Variants in CASP5 observed in about 807,000 individuals in gnomAD.
CASP5 encodes caspase 5, also known as caspase-5.
In CASP5, 42 loss-of-function variants were observed where a neutral mutation model predicts 45.2. The observed-to-expected ratio is 0.93, with a 90% CI of 0.73 to 1.20. The LOEUF is 1.20. Among genes scored for constraint, CASP5 ranks in the 50% most tolerant of loss-of-function variants. The probability of loss-of-function intolerance (pLI) is 0.00; values close to 1 mark genes in which losing one functional copy is unlikely to be tolerated. For missense variants in CASP5, 512 were observed against 532.2 expected, an observed-to-expected ratio of 0.96 and a Z score of 0.37; for synonymous variants, 209 against 186.2, an observed-to-expected ratio of 1.12 and a Z score of -1.00.
At chr11:104,999,353 C>A (rs190341219) in intron 6 of CASP5, among the ~76,000 whole-genome samples, 1 of 152,218 alleles carries the variant, frequency 6.6e-6, no homozygotes, top group Non-Finnish European at 1.5e-5. Context: ...TAGCTTCCAG[C>A]TTCATTCATG....
Position 105,000,458 on chromosome 11 carries a change from G to A in CASP5, c.755C>T (p.Pro252Leu), listed in dbSNP as rs756951779. 5 of 1,614,128 alleles carry A rather than the reference G, an allele frequency of 3.1e-6. No homozygotes were observed. In the Admixed American group the frequency reaches 8.3e-5, roughly 27 times the overall value. Reference sequence around the variant, plus strand: ...CGTGCTGTCAGAGGACTTGTGCTCTGGTCTGGCAGCAAATGCCCTCAGCAC... The same window carrying A: ...CGTGCTGTCAGAGGACTTGTGCTCTAGTCTGGCAGCAAATGCCCTCAGCAC... ...ESVLRAFAARPEHKSSDSTFL... is the reference protein window; with the variant it reads ...ESVLRAFAARLEHKSSDSTFL... The change falls in exon 6 of 10, where the codon CCA becomes CTA. Residue 252 changes from proline to leucine, a missense_variant. By Grantham distance (98) the Pro-to-Leu change is moderately conservative. Transcript: ENST00000260315.
rs1203405058 is a variant in CASP5 at position 105,000,310 on chromosome 11, G to A, written c.903C>T (p.Leu301=). 2 of 1,614,240 alleles carry A rather than the reference G, an allele frequency of 1.2e-6. No homozygotes were observed. The highest frequency in any genetic ancestry group is 1.7e-6 in the Non-Finnish European group (2 of 1,180,032). The part of the protein sequence containing the change: ...IFQIFNNRNC[L]SLKDKPKVII... ...TGACCTTGGGTTTGTCCTTTAGACT[G>A]AGGCAGTTGCGGTTGTTGAATATCT... Residue 301 remains leucine, a synonymous_variant, in exon 6 of 10, where the codon CTC becomes CTT. Transcript: ENST00000260315.
rs1376205553 is a variant in CASP5 at position 105,009,720 on chromosome 11, C to CACACACAT, written c.8-741_8-740insATGTGTGT. On this transcript the variant is annotated intron_variant, in intron 1 of 9. Coordinates refer to ENST00000260315, the MANE Select transcript of CASP5 (RefSeq NM_004347.5). Reference sequence around the variant, plus strand: ...TTACCAGGAGATATATATATACACACATATATATATATATATATATATATA... The same window carrying CACACACAT: ...TTACCAGGAGATATATATATACACACACACACATATATATATATATATATATATATATA... Among the ~76,000 whole-genome samples, 397 of 63,754 alleles carry CACACACAT rather than the reference C, an allele frequency of 6.2e-3. 1 individual carries two copies. The highest frequency in any genetic ancestry group is 0.011 in the Admixed American group (51 of 4,710). 41.8% of individuals were successfully genotyped at this position (63,754 alleles called of 152,430 possible).
chr11:105,019,342 C>T (rs889704940), intron 1 of CASP5, among the ~76,000 whole-genome samples: 2 of 150,062 alleles, frequency 1.3e-5, no homozygotes, highest in Non-Finnish European at 3.0e-5. Context: ...ACAAAAAACC[C>T]TTCAAAAAAT....
chr11:105,009,927 A>T (rs911196990), intron 1 of CASP5, among the ~76,000 whole-genome samples: 1 of 121,268 alleles, frequency 8.2e-6, no homozygotes, highest in African/African-American at 3.4e-5. Context: ...ATATACACAC[A>T]TACACACACA....
chr11:105,004,148 C>T (rs191832379), intron 3 of CASP5, among the ~76,000 whole-genome samples: 62 of 152,122 alleles, frequency 4.1e-4, no homozygotes, highest in African/African-American at 1.4e-3. Flanking sequence ...TGTGAAATCA[C>T]CTATTTATGA....
rs200071188 is a variant in CASP5 at position 105,003,273 on chromosome 11, C to G, written c.543+1G>C. 1.3e-6 allele frequency: 2 copies of G among 1,531,072 alleles called. No homozygotes were observed. Among genetic ancestry groups the G allele is most frequent in the Non-Finnish European group, 1.8e-6 (2 of 1,107,708 alleles). 94.8% of individuals were successfully genotyped at this position (1,531,072 alleles called of 1,614,324 possible). A position where few individuals can be genotyped will look rare whatever the true frequency, so the allele number is the denominator to read the frequency against. On this transcript the variant is annotated splice_donor_variant, in intron 4 of 9. Coordinates refer to ENST00000260315, the MANE Select transcript of CASP5 (RefSeq NM_004347.5). LOFTEE classifies it high-confidence loss of function. ...CCCATTTCATACAGAGAGCACAGCA[C>G]CTCATCATGATTTTTTTTACACAGT...
chr11:105,000,492 T>A lies in CASP5; in HGVS notation c.721A>T (p.Met241Leu). The A allele has an allele frequency of 6.2e-7, 1 of 1,613,852 alleles. No individual in the cohort carries two copies. The highest frequency in any genetic ancestry group is 1.3e-5 in the African/African-American group (1 of 75,032). Residue 241 changes from methionine to leucine, a missense_variant, in exon 6 of 10, where the codon ATG becomes TTG. Met to Leu is a conservative substitution (Grantham distance 15, BLOSUM62 2). Coordinates refer to ENST00000260315, the MANE Select transcript of CASP5 (RefSeq NM_004347.5). ...GCAAATGCCCTCAGCACTGACTCCA[T>A]ATCCTATAAAAGAGCAATGTCTAAC... The part of the protein sequence containing the change: ...VDEKNLTARD[M>L]ESVLRAFAAR...
At chr11:105,009,768 CACGTATAT>C (rs1565388130) in intron 1 of CASP5, among the ~76,000 whole-genome samples, 1,868 of 73,176 alleles carry the variant, frequency 0.026, 78 homozygotes, top group African/African-American at 0.09. Flanking sequence ...TACACACACA[CACGTATAT>C]ATATATATAT....
At chr11:105,017,122 A>C (rs1398037458) in intron 1 of CASP5, among the ~76,000 whole-genome samples, 1 of 151,930 alleles carries the variant, frequency 6.6e-6, no homozygotes, top group Non-Finnish European at 1.5e-5. Context: ...AAAACTAACA[A>C]ACAGAAAGGA....
chr11:105,009,129 C>A, intron 1 of CASP5, 149 bp from the exon 2 acceptor site: 1 of 674,292 alleles, frequency 1.5e-6, no homozygotes. Context: ...TTCTTTGTAC[C>A]TGTAGCATTC....
chr11:105,000,806 A>G (rs535638356), intron 5 of CASP5, among the ~76,000 whole-genome samples: 2 of 152,204 alleles, frequency 1.3e-5, no homozygotes, highest in Non-Finnish European at 2.9e-5. Context: ...CTTTCCTAAC[A>G]AGAGTCATGT....
In CASP5 at chr11:105,002,226, C is replaced by T; in HGVS notation, c.544-25G>A. On this transcript the variant is annotated intron_variant, in intron 4 of 9. Transcript: ENST00000260315. ...TCTGCAGGAGATGGAGATGAAGCAA[C>T]TTTGATTACCCGAGTCTCTTTTCAA... 10 of 1,610,236 alleles carry T rather than the reference C, an allele frequency of 6.2e-6. No homozygotes were observed. The South Asian group carries it at 1.1e-4, about 18-fold the overall frequency.
chr11:105,022,568 G>T (rs1432155305), intron 1 of CASP5, among the ~76,000 whole-genome samples: 1 of 152,078 alleles, frequency 6.6e-6, no homozygotes, highest in East Asian at 1.9e-4. Context: ...TTAAGTTTTT[G>T]GGAGTGGGAA....
At chr11:105,009,872 T>C (rs899503595) in intron 1 of CASP5, among the ~76,000 whole-genome samples, 2 of 140,268 alleles carry the variant, frequency 1.4e-5, no homozygotes, top group African/African-American at 2.7e-5. Context: ...TACATATATA[T>C]ACACACATAT....
Position 105,000,397 on chromosome 11 carries a change from T to A in CASP5, c.816A>T (p.Gly272=), listed in dbSNP as rs769065503. 4.3e-6 allele frequency: 7 copies of A among 1,614,178 alleles called. No individual in the cohort carries two copies. In the East Asian group the frequency reaches 1.3e-4, roughly 31 times the overall value. The part of the protein sequence containing the change: ...LVLMSHGILE[G]ICGTAHKKKK... Reference sequence around the variant, plus strand: ...TCTTTTTATGCGCAGTTCCGCAGATTCCCTCTAGGATGCCATGAGACATGA... The same window carrying A: ...TCTTTTTATGCGCAGTTCCGCAGATACCCTCTAGGATGCCATGAGACATGA... Residue 272 remains glycine, a synonymous_variant, in exon 6 of 10, where the codon GGA becomes GGT. Transcript: ENST00000260315.
intron 6 of CASP5, 107 bp downstream of exon 6, chr11:105,000,154 A>C (rs1591154408): frequency 8.7e-7 from 1 of 1,153,382 alleles, no homozygotes; most frequent in South Asian, 1.3e-5. Flanking sequence ...AATGTACTTT[A>C]TTTGCACTGG....
rs1169064113 is a variant in CASP5 at position 105,019,782 on chromosome 11, G to A, written c.7+3348C>T. On this transcript the variant is annotated intron_variant, in intron 1 of 9. Coordinates refer to ENST00000260315, the MANE Select transcript of CASP5 (RefSeq NM_004347.5). ...AACTATTCCAATCAATAGAAAAAGA[G>A]GGAATCCTCCCTAACTCATTTTATG... is the stretch of plus-strand genomic sequence containing the variant. Among the ~76,000 whole-genome samples, 7 of 144,882 alleles carry A rather than the reference G, an allele frequency of 4.8e-5. No homozygotes were observed. In the South Asian group the frequency reaches 8.8e-4, roughly 18 times the overall value.
At chr11:105,020,399 T>C (rs1291651813) in intron 1 of CASP5, among the ~76,000 whole-genome samples, 3 of 151,166 alleles carry the variant, frequency 2.0e-5, no homozygotes, top group Non-Finnish European at 4.4e-5. Flanking sequence ...ATTGTATATC[T>C]AGAAAACCCC....
Sources: allele counts gnomAD v4.1 joint callset (sites outside exome capture counted in the v4.1 genomes callset), GRCh38; gene constraint gnomAD v4.1.1; transcripts MANE v1.5; gene names NCBI Gene and HGNC (gene_info 2026-07-23, HGNC 2026-07-21).